Variants in NEK11 observed in about 807,000 individuals in gnomAD.
NEK11 encodes the protein serine/threonine-protein kinase Nek11.
In NEK11, 72 loss-of-function variants were observed where a neutral mutation model predicts 80.7. The ratio of observed to expected loss-of-function variants is 0.89; its 90% CI spans 0.74 to 1.08. The LOEUF (loss-of-function observed/expected upper bound fraction) is 1.08, where lower values mean the gene tolerates loss of function less well. Ranked by LOEUF, NEK11 falls within the 50% of genes least tolerant of loss-of-function variation. The probability of loss-of-function intolerance (pLI) is 0.00; values close to 1 mark genes in which losing one functional copy is unlikely to be tolerated. For missense variants in NEK11, 764 were observed against 763.6 expected, an observed-to-expected ratio of 1.00 and a Z score of -0.01; for synonymous variants, 251 against 260.7, an observed-to-expected ratio of 0.96 and a Z score of 0.36.
At chr3:131,202,997 C>A (rs2094300086) in intron 14 of NEK11, among the ~76,000 whole-genome samples, 1 of 117,494 alleles carries the variant, frequency 8.5e-6, no homozygotes, top group Non-Finnish European at 2.2e-5. Context: ...TAAACTAGTT[C>A]AACCATTGTG....
chr3:131,191,065 T>C (rs2093775516), intron 14 of NEK11, among the ~76,000 whole-genome samples: 1 of 152,206 alleles, frequency 6.6e-6, no homozygotes, highest in Non-Finnish European at 1.5e-5. Context: ...TGTTATTAAC[T>C]AATATCTCTT....
At chr3:131,178,482 T>G (rs1277868636) in intron 14 of NEK11, among the ~76,000 whole-genome samples, 1 of 152,230 alleles carries the variant, frequency 6.6e-6, no homozygotes, top group Non-Finnish European at 1.5e-5. Flanking sequence ...TTAACATTAA[T>G]TCTTTTAACT....
intron 12 of NEK11, 146 bp from the exon 13 acceptor site, chr3:131,168,684 T>A: frequency 1.7e-6 from 1 of 571,640 alleles, no homozygotes; most frequent in Non-Finnish European, 3.1e-6. Context: ...ATCCCTCTGC[T>A]AATTCCTATG....
intron 17 of NEK11, among the ~76,000 whole-genome samples, chr3:131,311,624 G>C (rs549056326): frequency 4.6e-5 from 7 of 152,312 alleles, no homozygotes; most frequent in African/African-American, 1.7e-4. Flanking sequence ...CTGTGGTGTT[G>C]GCTTAATATT....
intron 16 of NEK11, among the ~76,000 whole-genome samples, chr3:131,270,118 T>G (rs551118693): frequency 1.1e-4 from 17 of 152,328 alleles, no homozygotes; most frequent in African/African-American, 4.1e-4. Context: ...TACACTCCCC[T>G]GCAGAGTATC....
At chr3:131,342,916 T>C (rs1267330414) in intron 17 of NEK11, among the ~76,000 whole-genome samples, 2 of 152,052 alleles carry the variant, frequency 1.3e-5, no homozygotes, top group Non-Finnish European at 2.9e-5. Context: ...CCTCAATTTT[T>C]AAAAAAGAAA....
rs531329373 is a variant in NEK11, at chr3:131,313,016, C to A, written c.1719-36541C>A. Among the ~76,000 whole-genome samples, 86 of 152,128 alleles carry A rather than the reference C, an allele frequency of 5.7e-4. 1 individual carries two copies. The highest frequency in any genetic ancestry group is 2.0e-3 in the African/African-American group (82 of 41,512). ...AGTAGGCCCCAGCGTCTGTTGTTCC[C>A]CTCTTTGGGTCCATGTGTTCTCATC... On this transcript the variant is annotated intron_variant, in intron 17 of 17. Coordinates refer to ENST00000383366, the MANE Select transcript of NEK11 (RefSeq NM_024800.5).
At chr3:131,268,416 C>T (rs1446782882) in intron 16 of NEK11, among the ~76,000 whole-genome samples, 1 of 152,126 alleles carries the variant, frequency 6.6e-6, no homozygotes, top group Admixed American at 6.5e-5. Flanking sequence ...ATTTATCTAC[C>T]TTTGGTCTTT....
At chr3:131,150,537 C>A (rs1047850542) in intron 7 of NEK11, among the ~76,000 whole-genome samples, 4 of 151,660 alleles carry the variant, frequency 2.6e-5, no homozygotes, top group African/African-American at 9.7e-5. Context: ...GTGTTTCTTG[C>A]CATTTTGGTG....
In NEK11 at chr3:131,170,814, G is replaced by T; in HGVS notation, c.1326G>T (p.Gln442His). 2 of 1,614,110 alleles carry T rather than the reference G, an allele frequency of 1.2e-6. No homozygotes were observed. The highest frequency in any genetic ancestry group is 8.5e-7 in the Non-Finnish European group (1 of 1,179,984). The change falls in exon 14 of 18, where the codon CAG becomes CAT. Residue 442 changes from glutamine (Q) to histidine (H), a missense_variant. Physicochemically the swap from Gln to His is conservative, Grantham distance 24. Transcript: ENST00000383366. ...CTTTAGAGAACCTGCCTGAGTCTCAGCCTATTCCTTCCATGGACCTCCACG... is the reference window on the plus strand; with the variant it reads ...CTTTAGAGAACCTGCCTGAGTCTCATCCTATTCCTTCCATGGACCTCCACG... ...EPTLENLPES[Q>H]PIPSMDLHEL...
At chr3:131,215,543 A>T (rs1241267208) in intron 14 of NEK11, among the ~76,000 whole-genome samples, 4 of 152,172 alleles carry the variant, frequency 2.6e-5, no homozygotes, top group Non-Finnish European at 5.9e-5. Context: ...TTGGGCATTT[A>T]TTCAACCTGT....
At chr3:131,178,354 C>T (rs550430930) in intron 14 of NEK11, among the ~76,000 whole-genome samples, 12 of 152,294 alleles carry the variant, frequency 7.9e-5, no homozygotes, top group African/African-American at 2.9e-4. Flanking sequence ...TTACTTTATA[C>T]AATTTAATTT....
intron 14 of NEK11, among the ~76,000 whole-genome samples, chr3:131,213,250 T>C (rs1580297040): frequency 6.6e-6 from 1 of 152,014 alleles, no homozygotes; most frequent in Non-Finnish European, 1.5e-5. Context: ...CCTCTTCACA[T>C]TGGTGAGCCG....
At chr3:131,326,274 G>A (rs527319051) in intron 17 of NEK11, 4 of 152,276 alleles carry the variant, frequency 2.6e-5, no homozygotes, top group Non-Finnish European at 4.4e-5. Context: ...CAGAGTGATC[G>A]TGCTGTAACA....
chr3:131,187,164 TTTAAA>T (rs1489075909), intron 14 of NEK11, among the ~76,000 whole-genome samples: 5 of 152,194 alleles, frequency 3.3e-5, no homozygotes, highest in African/African-American at 1.2e-4. Flanking sequence ...ATGTGGTTAC[TTTAAA>T]TTAATTAAAG....
At chr3:131,184,626 A>G (rs996929548) in intron 14 of NEK11, 1 of 370,572 alleles carries the variant, frequency 2.7e-6, no homozygotes, top group African/African-American at 2.1e-5. Context: ...GAAGCAGTAG[A>G]ATAACAAGTT....
intron 3 of NEK11, among the ~76,000 whole-genome samples, chr3:131,051,147 T>TA (rs1365231930): frequency 6.6e-6 from 1 of 152,268 alleles, no homozygotes; most frequent in Non-Finnish European, 1.5e-5. Flanking sequence ...CAACAAGTTT[T>TA]AAAAAATATT....
chr3:131,220,826 G>T (rs2094995324), intron 14 of NEK11, among the ~76,000 whole-genome samples: 1 of 152,196 alleles, frequency 6.6e-6, no homozygotes, highest in Admixed American at 6.5e-5. Context: ...AACAGCATTT[G>T]CTGTCACACT....
chr3:131,044,993 GAA>G (rs2067167047), intron 3 of NEK11, among the ~76,000 whole-genome samples: 1 of 152,112 alleles, frequency 6.6e-6, no homozygotes, highest in South Asian at 2.1e-4. Context: ...CAATTACGTG[GAA>G]ACTGAACAAC....
Sources: gnomAD v4.1 joint callset for allele counts (sites outside exome capture counted in the v4.1 genomes callset) on GRCh38, gnomAD v4.1.1 for gene constraint, MANE v1.5 for transcripts, NCBI Gene and HGNC (gene_info 2026-07-23, HGNC 2026-07-21) for gene names.